The following TBC1D8 variants were observed in gnomAD, a reference collection of about 807,000 sequenced individuals.
TBC1D8 encodes the protein TBC1 domain family member 8, also known as BUB2-like protein 1.
TBC1D8 carries 65 observed loss-of-function variants against 118.8 expected under a neutral mutation model. The ratio of observed to expected loss-of-function variants is 0.55; its 90% CI spans 0.45 to 0.67. TBC1D8 has a LOEUF of 0.67. Among genes scored for constraint, TBC1D8 ranks in the 30% least tolerant of loss-of-function variants. The pLI is 0.00. For missense variants in TBC1D8, 1,376 were observed against 1,471.2 expected (o/e 0.94, Z 1.06); for synonymous variants, 566 against 595.8 (o/e 0.95, Z 0.73).
chr2:101,119,271 C>A (rs1574061485), intron 1 of TBC1D8, among the ~76,000 whole-genome samples: 1 of 152,100 alleles, frequency 6.6e-6, no homozygotes, highest in African/African-American at 2.4e-5. Flanking sequence ...CCCTCCATGT[C>A]TCCCCAACAT....
chr2:101,125,201 G>A (rs1170359724), intron 1 of TBC1D8, among the ~76,000 whole-genome samples: 1 of 151,470 alleles, frequency 6.6e-6, no homozygotes, highest in Non-Finnish European at 1.5e-5. Context: ...AGCCCAGGGG[G>A]CACCCGGGGC....
chr2:101,127,453 TGAG>T (rs1002001873), intron 1 of TBC1D8, among the ~76,000 whole-genome samples: 3 of 152,002 alleles, frequency 2.0e-5, no homozygotes, highest in Non-Finnish European at 1.5e-5. Context: ...CATACACCAC[TGAG>T]GAGATGGGTC....
intron 2 of TBC1D8, among the ~76,000 whole-genome samples, chr2:101,068,849 A>G (rs1683153554): frequency 6.6e-6 from 1 of 152,142 alleles, no homozygotes; most frequent in South Asian, 2.1e-4. Context: ...AAATACAAAA[A>G]TTAGCTGAGC....
chr2:101,128,064 C>A (rs896323881), intron 1 of TBC1D8, among the ~76,000 whole-genome samples: 2 of 152,196 alleles, frequency 1.3e-5, no homozygotes, highest in African/African-American at 4.8e-5. Flanking sequence ...GGTCCAAGGT[C>A]ATTCAGGTTA....
At chr2:101,100,938 A>G (rs1676784068) in intron 1 of TBC1D8, among the ~76,000 whole-genome samples, 2 of 152,210 alleles carry the variant, frequency 1.3e-5, no homozygotes, top group South Asian at 4.1e-4. Context: ...AAAACCATAA[A>G]AACCCTACAA....
intron 18 of TBC1D8, 53 bp from the exon 19 acceptor site, chr2:101,011,079 G>T: frequency 1.9e-6 from 3 of 1,551,068 alleles, no homozygotes; most frequent in Non-Finnish European, 2.6e-6. Context: ...TTCAGTGACA[G>T]CAAAAAGGAA....
intron 1 of TBC1D8, among the ~76,000 whole-genome samples, chr2:101,137,031 CT>C (rs34792672): frequency 0.33 from 40,199 of 120,910 alleles, 5,170 homozygotes; most frequent in African/African-American, 0.41. Flanking sequence ...TAGGCTAATT[CT>C]TTTTTTTTTT....
chr2:101,072,820 C>T (rs1674540366), intron 2 of TBC1D8, among the ~76,000 whole-genome samples: 1 of 152,122 alleles, frequency 6.6e-6, no homozygotes, highest in African/African-American at 2.4e-5. Flanking sequence ...TGGTACTAAT[C>T]TGTGGCCCGT....
chr2:101,029,172 T>TG (rs1680522283), intron 12 of TBC1D8, among the ~76,000 whole-genome samples: 1 of 152,154 alleles, frequency 6.6e-6, no homozygotes, highest in South Asian at 2.1e-4. Flanking sequence ...GTGGATCACT[T>TG]GAGGCCAGGA....
At chr2:101,019,697 T>C (rs562653414) in intron 17 of TBC1D8, 1 of 152,334 alleles carries the variant, frequency 6.6e-6, no homozygotes, top group South Asian at 2.1e-4. Flanking sequence ...GGACTACAAA[T>C]GCTTCTAATA....
intron 15 of TBC1D8, 22 bp from the exon 16 acceptor site, chr2:101,022,543 G>A (rs1298024748): frequency 6.3e-7 from 1 of 1,582,250 alleles, no homozygotes; most frequent in South Asian, 1.2e-5. Context: ...AGGGGGAAAG[G>A]GAGTTCTTAC....
chr2:101,066,948 A>C (rs1334079924), intron 2 of TBC1D8, among the ~76,000 whole-genome samples: 7 of 22,952 alleles, frequency 3.0e-4, no homozygotes, highest in Admixed American at 1.9e-3. Flanking sequence ...GTATCCCAAA[A>C]AAAAAAAAAA....
chr2:101,032,408 A>G, intron 10 of TBC1D8, 23 bp from the exon 11 acceptor site: 4 of 1,596,976 alleles, frequency 2.5e-6, no homozygotes, highest in Non-Finnish European at 3.4e-6. Flanking sequence ...CAAGGAGGGC[A>G]GTTACTGACT....
chr2:101,126,702 T>C (rs1276797547), intron 1 of TBC1D8, among the ~76,000 whole-genome samples: 1 of 152,226 alleles, frequency 6.6e-6, no homozygotes, highest in Non-Finnish European at 1.5e-5. Flanking sequence ...CAATAAATGT[T>C]TCTCAAAAAT....
intron 2 of TBC1D8, among the ~76,000 whole-genome samples, chr2:101,063,299 T>C (rs2105428172): frequency 6.6e-6 from 1 of 152,328 alleles, no homozygotes; most frequent in East Asian, 1.9e-4. Flanking sequence ...AAAAATTCAT[T>C]CTAACCTATT....
At chr2:101,118,783 T>C (rs1677966569) in intron 1 of TBC1D8, among the ~76,000 whole-genome samples, 1 of 151,766 alleles carries the variant, frequency 6.6e-6, no homozygotes, top group Admixed American at 6.6e-5. Flanking sequence ...GGCCATCAGA[T>C]TGGCTTGAGT....
At chr2:101,086,337 A>G (rs749377026) in intron 2 of TBC1D8, among the ~76,000 whole-genome samples, 2 of 152,212 alleles carry the variant, frequency 1.3e-5, no homozygotes, top group Non-Finnish European at 2.9e-5. Flanking sequence ...CTTGAAGTGG[A>G]AAAGTTAAAT....
intron 11 of TBC1D8, among the ~76,000 whole-genome samples, chr2:101,030,225 TA>T (rs1680588084): frequency 1.3e-5 from 2 of 152,198 alleles, no homozygotes; most frequent in Non-Finnish European, 2.9e-5. Context: ...AAGACACCAT[TA>T]ATAAAATGAA....
intron 2 of TBC1D8, among the ~76,000 whole-genome samples, chr2:101,080,531 G>A (rs1675191503): frequency 6.6e-6 from 1 of 152,096 alleles, no homozygotes; most frequent in Non-Finnish European, 1.5e-5. Context: ...CATGGTCAAG[G>A]GCAGGGACAA....
Sources: gnomAD v4.1 joint callset for allele counts (sites outside exome capture counted in the v4.1 genomes callset) on GRCh38, gnomAD v4.1.1 for gene constraint, MANE v1.5 for transcripts, NCBI Gene and HGNC (gene_info 2026-07-23, HGNC 2026-07-21) for gene names.